The following HERPUD2 variants were observed in gnomAD, a reference collection of about 807,000 sequenced individuals.
HERPUD2 encodes the protein homocysteine-responsive endoplasmic reticulum-resident ubiquitin-like domain member 2 protein.
HERPUD2 carries 13 observed loss-of-function variants against 49.9 expected under a neutral mutation model. That is an observed-to-expected ratio of 0.26 (90% confidence interval 0.17 to 0.41). The LOEUF (loss-of-function observed/expected upper bound fraction) is 0.41. Ranked by LOEUF, HERPUD2 falls within the 10% of genes least tolerant of loss-of-function variation. The pLI is 1.00. For missense variants in HERPUD2, 449 were observed against 492.2 expected, an observed-to-expected ratio of 0.91 and a Z score of 0.83; for synonymous variants, 172 against 171.4, an observed-to-expected ratio of 1.00 and a Z score of -0.03.
chr7:35,691,820 T>C (rs2116061280), intron 2 of HERPUD2, among the ~76,000 whole-genome samples: 1 of 152,356 alleles, frequency 6.6e-6, no homozygotes, highest in Non-Finnish European at 1.5e-5. Flanking sequence ...GAGGACTACC[T>C]ATGGCTTTGC....
chr7:35,649,119 C>G (rs1193280702), intron 5 of HERPUD2, among the ~76,000 whole-genome samples: 1 of 151,992 alleles, frequency 6.6e-6, no homozygotes, highest in Admixed American at 6.5e-5. Context: ...GGCGTGGTGG[C>G]AGGCGCCTGT....
chr7:35,686,746 C>G (rs56020794), intron 2 of HERPUD2, among the ~76,000 whole-genome samples: 1 of 38,320 alleles, frequency 2.6e-5, no homozygotes, highest in East Asian at 1.6e-3. Flanking sequence ...AAAAAAAAAA[C>G]CAAACCCATT....
intron 2 of HERPUD2, among the ~76,000 whole-genome samples, chr7:35,689,646 T>C (rs1397806751): frequency 1.3e-5 from 2 of 152,226 alleles, no homozygotes; most frequent in African/African-American, 4.8e-5. Context: ...GCTTCTTTAA[T>C]TCTAATAGAA....
chr7:35,690,757 C>T (rs1161770377), intron 2 of HERPUD2, among the ~76,000 whole-genome samples: 3 of 151,690 alleles, frequency 2.0e-5, no homozygotes, highest in African/African-American at 7.3e-5. Context: ...TGCAGTGAGC[C>T]GAGATAGCGC....
At position 35,677,821 on chromosome 7, in the gene HERPUD2, G is replaced by C. The variant is rs80143270; in HGVS notation, c.148-4543C>G. Among the ~76,000 whole-genome samples the C allele has an allele frequency of 7.4e-4, 113 of 152,270 alleles. 1 individual carries two copies. In the East Asian group the frequency reaches 0.018, roughly 24 times the overall value. Reference sequence around the variant, plus strand: ...CTTCAGCAGCTAATAAGGGATGGGGGTCTTGTGTAGAGGAGTTGGACTTAC... The same window carrying C: ...CTTCAGCAGCTAATAAGGGATGGGGCTCTTGTGTAGAGGAGTTGGACTTAC... On this transcript the variant is annotated intron_variant, in intron 2 of 8. Coordinates refer to ENST00000311350, the MANE Select transcript of HERPUD2 (RefSeq NM_022373.5).
In HERPUD2 at chr7:35,674,378, CCTAT is replaced by C. The variant is rs1278438837; in HGVS notation, c.148-1104_148-1101del. On this transcript the variant is annotated intron_variant, in intron 2 of 8. Coordinates refer to ENST00000311350, the MANE Select transcript of HERPUD2 (RefSeq NM_022373.5). ...GGTTTTAAAATCATAAGTCTTACAACCTATATATATATATATATATATATATAGA... is the reference window on the plus strand; with the variant it reads ...GGTTTTAAAATCATAAGTCTTACAACATATATATATATATATATATATAGA... Among the ~76,000 whole-genome samples the C allele has an allele frequency of 1.9e-3, 68 of 34,914 alleles. 4 individuals carry two copies. The highest frequency in any genetic ancestry group is 4.8e-3 in the East Asian group (8 of 1,670). 22.9% of individuals were successfully genotyped at this position (34,914 alleles called of 152,430 possible).
chr7:35,666,731 C>T (rs996592242), intron 5 of HERPUD2, among the ~76,000 whole-genome samples: 3 of 152,176 alleles, frequency 2.0e-5, no homozygotes, highest in Non-Finnish European at 4.4e-5. Flanking sequence ...GCTGCATTTC[C>T]TCTGGAAGTG....
intron 2 of HERPUD2, among the ~76,000 whole-genome samples, chr7:35,688,369 T>C (rs1786109108): frequency 6.6e-6 from 1 of 152,232 alleles, no homozygotes; most frequent in Non-Finnish European, 1.5e-5. Flanking sequence ...TACAGAGTAA[T>C]GTTCTCTGGA....
intron 2 of HERPUD2, among the ~76,000 whole-genome samples, chr7:35,682,918 T>C (rs778378175): frequency 4.6e-5 from 7 of 150,876 alleles, no homozygotes; most frequent in Non-Finnish European, 8.9e-5. Context: ...AAAGAAATCA[T>C]AGACAACACA....
chr7:35,637,464 G>C (rs1296002023), intron 6 of HERPUD2, among the ~76,000 whole-genome samples: 1 of 152,190 alleles, frequency 6.6e-6, no homozygotes, highest in Non-Finnish European at 1.5e-5. Context: ...GAAGAAGTGA[G>C]AAAGGAGAAG....
At chr7:35,653,455 A>G (rs1785207538) in intron 5 of HERPUD2, among the ~76,000 whole-genome samples, 1 of 152,242 alleles carries the variant, frequency 6.6e-6, no homozygotes, top group Non-Finnish European at 1.5e-5. Context: ...AGGGAGGGAC[A>G]GAATCCAATA....
At chr7:35,690,575 C>T (rs1218496808) in intron 2 of HERPUD2, among the ~76,000 whole-genome samples, 1 of 152,078 alleles carries the variant, frequency 6.6e-6, no homozygotes, top group Non-Finnish European at 1.5e-5. Flanking sequence ...TTCGGGAGGC[C>T]GAGGTGGGTG....
At chr7:35,657,642 T>C (rs1785306421) in intron 5 of HERPUD2, among the ~76,000 whole-genome samples, 2 of 130,340 alleles carry the variant, frequency 1.5e-5, no homozygotes, top group Non-Finnish European at 3.2e-5. Context: ...GCGCGGTGGC[T>C]CACGAGCCTG....
chr7:35,641,177 AGTTT>A (rs1433758802), intron 5 of HERPUD2, among the ~76,000 whole-genome samples: 3 of 152,212 alleles, frequency 2.0e-5, no homozygotes, highest in African/African-American at 7.2e-5. Context: ...AGCTTTTTTA[AGTTT>A]GTTTGCCAAG....
Position 35,670,081 on chromosome 7 carries a change from T to A in HERPUD2, c.339+134A>T. On this transcript the variant is annotated intron_variant, in intron 4 of 8. Coordinates refer to ENST00000311350, the MANE Select transcript of HERPUD2 (RefSeq NM_022373.5). ...GGTAAACTTTACAAAATGCCTAACT[T>A]TAGTTCAAAACACAATCTCAAAATT... 3 of 490,302 alleles carry A rather than the reference T, an allele frequency of 6.1e-6. No individual in the cohort carries two copies. The East Asian group carries it at 9.3e-5, about 15-fold the overall frequency. The allele number at this position is 490,302 out of a possible 1,614,324, so 30.4% of individuals were successfully genotyped here. A position where few individuals can be genotyped will look rare whatever the true frequency, so the allele number is the denominator to read the frequency against.
intron 2 of HERPUD2, among the ~76,000 whole-genome samples, chr7:35,693,444 G>GA (rs953785991): frequency 6.6e-4 from 99 of 150,494 alleles, no homozygotes; most frequent in African/African-American, 2.0e-3. Context: ...TTATTTCTAA[G>GA]AAAAAAAAAT....
chr7:35,681,923 AG>A (rs1785899844), intron 2 of HERPUD2, among the ~76,000 whole-genome samples: 1 of 152,224 alleles, frequency 6.6e-6, no homozygotes, highest in African/African-American at 2.4e-5. Flanking sequence ...TGATTATGAC[AG>A]CACAACTTTG....
chr7:35,634,174 C>CA, intron 8 of HERPUD2, 138 bp downstream of exon 8: 1 of 628,526 alleles, frequency 1.6e-6, no homozygotes, highest in Non-Finnish European at 2.8e-6. Context: ...GAAACCACCA[C>CA]AATTTATATG....
chr7:35,694,105 G>A lies in HERPUD2; in HGVS notation c.147+79C>T, dbSNP rs1252071602. The A allele has an allele frequency of 4.1e-6, 6 of 1,467,498 alleles. No homozygotes were observed. The African/African-American group carries it at 7.0e-5, about 17-fold the overall frequency. 90.9% of individuals were successfully genotyped at this position (1,467,498 alleles called of 1,614,324 possible). ...GACCTATTTGATTCAAGACTGGAGGGGAGAAGCAGGAAAAAGGAGGGTACA... is the reference window on the plus strand; with the variant it reads ...GACCTATTTGATTCAAGACTGGAGGAGAGAAGCAGGAAAAAGGAGGGTACA... On this transcript the variant is annotated intron_variant, in intron 2 of 8. Coordinates refer to ENST00000311350, the MANE Select transcript of HERPUD2 (RefSeq NM_022373.5).
Sources: allele counts gnomAD v4.1 joint callset (sites outside exome capture counted in the v4.1 genomes callset), GRCh38; gene constraint gnomAD v4.1.1; transcripts MANE v1.5; gene names NCBI Gene and HGNC (gene_info 2026-07-23, HGNC 2026-07-21).